Variants in CBLB observed in about 807,000 individuals in gnomAD.
CBLB encodes Cbl proto-oncogene B.
Under a neutral mutation model 104.9 loss-of-function variants are expected in CBLB, and 31 were observed. That is an observed-to-expected ratio of 0.30 (90% CI 0.22 to 0.40). The LOEUF (loss-of-function observed/expected upper bound fraction) is 0.40, where lower values mean the gene tolerates loss of function less well. Ranked by LOEUF, CBLB falls within the 10% of genes least tolerant of loss-of-function variation. The pLI is 1.00. For missense variants in CBLB, 1,062 were observed against 1,214.6 expected (o/e 0.87, Z 1.87); for synonymous variants, 440 against 422.6 (o/e 1.04, Z -0.51).
chr3:105,861,839 T>G (rs1016613754), intron 2 of CBLB, among the ~76,000 whole-genome samples: 1 of 152,140 alleles, frequency 6.6e-6, no homozygotes, highest in Non-Finnish European at 1.5e-5. Context: ...CATTTTAATC[T>G]CACCCCATCA....
At chr3:105,860,735 T>C (rs907500091) in intron 2 of CBLB, among the ~76,000 whole-genome samples, 2 of 152,202 alleles carry the variant, frequency 1.3e-5, no homozygotes, top group Non-Finnish European at 2.9e-5. Flanking sequence ...CCAAGGGCAC[T>C]GAACAGTTTG....
At chr3:105,769,579 T>C (rs1453042705) in intron 4 of CBLB, among the ~76,000 whole-genome samples, 1 of 152,120 alleles carries the variant, frequency 6.6e-6, no homozygotes, top group East Asian at 1.9e-4. Flanking sequence ...GGATAGAGCA[T>C]GGGTGACTGC....
intron 18 of CBLB, among the ~76,000 whole-genome samples, chr3:105,665,980 C>T (rs1310970864): frequency 6.6e-6 from 1 of 150,860 alleles, no homozygotes; most frequent in Non-Finnish European, 1.5e-5. Flanking sequence ...GAGCCAAGAT[C>T]GTGCCACTGC....
chr3:105,862,266 T>A (rs1397082632), intron 2 of CBLB, among the ~76,000 whole-genome samples: 1 of 152,206 alleles, frequency 6.6e-6, no homozygotes, highest in Non-Finnish European at 1.5e-5. Context: ...AATTTTCTGA[T>A]TTTAAATGAA....
intron 6 of CBLB, among the ~76,000 whole-genome samples, chr3:105,741,704 T>C (rs2075608791): frequency 6.6e-6 from 1 of 151,434 alleles, no homozygotes; most frequent in South Asian, 2.1e-4. Flanking sequence ...CAATTTTTTG[T>C]ATTTTTAATA....
chr3:105,868,169 C>T (rs559674264), intron 1 of CBLB: 247 of 1,222,398 alleles, frequency 2.0e-4, no homozygotes, highest in Non-Finnish European at 2.3e-4. Context: ...ACACGAACAC[C>T]TTTCTTTAAA....
intron 3 of CBLB, among the ~76,000 whole-genome samples, chr3:105,847,948 T>C (rs2090488384): frequency 6.6e-6 from 1 of 152,092 alleles, no homozygotes; most frequent in Non-Finnish European, 1.5e-5. Flanking sequence ...ATATAATACT[T>C]AGAGTTTCTC....
intron 3 of CBLB, among the ~76,000 whole-genome samples, chr3:105,814,165 T>C (rs1224626714): frequency 2.0e-5 from 3 of 152,156 alleles, no homozygotes; most frequent in South Asian, 2.1e-4. Flanking sequence ...AAAATCCGAA[T>C]AGAATTTCAG....
chr3:105,815,912 G>A (rs1382112216), intron 3 of CBLB, among the ~76,000 whole-genome samples: 1 of 152,076 alleles, frequency 6.6e-6, no homozygotes, highest in Non-Finnish European at 1.5e-5. Context: ...GGGTGAAGCT[G>A]GAAACCATCA....
At chr3:105,665,913 C>T (rs886556642) in intron 18 of CBLB, among the ~76,000 whole-genome samples, 6 of 151,318 alleles carry the variant, frequency 4.0e-5, no homozygotes, top group Non-Finnish European at 1.5e-5. Flanking sequence ...CCTGTAGTCC[C>T]AGCTACTCAG....
At chr3:105,836,002 C>G (rs995831845) in intron 3 of CBLB, among the ~76,000 whole-genome samples, 24 of 152,170 alleles carry the variant, frequency 1.6e-4, no homozygotes, top group African/African-American at 5.3e-4. Context: ...CACAATACAT[C>G]TACACTGATC....
At chr3:105,868,299 T>A in intron 1 of CBLB, 1 of 1,023,802 alleles carries the variant, frequency 9.8e-7, no homozygotes, top group Non-Finnish European at 1.3e-6. Context: ...TTCACTTCTC[T>A]GGCTCCTCGC....
At position 105,702,433 on chromosome 3, in the gene CBLB, T is replaced by C. The variant is rs115014051; in HGVS notation, c.1620A>G (p.Gln540=). ...PKSSPCMVRK[Q]DKPLPAPPPP... ...GAGGTGGTGCTGGGAGTGGTTTATC[T>C]TGTTTTCTCACCATGCAAGGAGAAG... Residue 540 remains glutamine (Q), a synonymous_variant, in exon 12 of 19, where the codon CAA becomes CAG. Transcript: ENST00000394030. The C allele has an allele frequency of 2.7e-3, 4,323 of 1,605,556 alleles. 6 individuals carry two copies. Among genetic ancestry groups the C allele is most frequent in the Non-Finnish European group, 3.5e-3 (4,099 of 1,177,966 alleles).
chr3:105,772,403 T>C (rs903448912), intron 4 of CBLB, among the ~76,000 whole-genome samples: 7 of 152,160 alleles, frequency 4.6e-5, no homozygotes, highest in Non-Finnish European at 8.8e-5. Context: ...ATCTAAGACC[T>C]GAAACCATGA....
At chr3:105,843,183 T>C (rs2089790115) in intron 3 of CBLB, among the ~76,000 whole-genome samples, 1 of 152,244 alleles carries the variant, frequency 6.6e-6, no homozygotes, top group Non-Finnish European at 1.5e-5. Flanking sequence ...TGCTGACCCA[T>C]GGTTTAAACC....
intron 3 of CBLB, among the ~76,000 whole-genome samples, chr3:105,788,653 T>C (rs1177541940): frequency 6.6e-6 from 1 of 152,164 alleles, no homozygotes; most frequent in African/African-American, 2.4e-5. Flanking sequence ...TAAAAGTACT[T>C]AGCTAATTTT....
chr3:105,799,065 A>G (rs937540643), intron 3 of CBLB, among the ~76,000 whole-genome samples: 2 of 152,156 alleles, frequency 1.3e-5, no homozygotes, highest in Non-Finnish European at 2.9e-5. Context: ...CTAACAAAGT[A>G]TCTAGATGGA....
intron 10 of CBLB, among the ~76,000 whole-genome samples, chr3:105,709,582 G>A (rs1194106526): frequency 2.0e-5 from 3 of 151,718 alleles, no homozygotes; most frequent in Non-Finnish European, 3.0e-5. Flanking sequence ...AAAAATTAGC[G>A]GTAAACATTC....
At chr3:105,785,953 C>T (rs369878191) in intron 3 of CBLB, among the ~76,000 whole-genome samples, 8 of 149,576 alleles carry the variant, frequency 5.3e-5, no homozygotes, top group African/African-American at 2.0e-4. Flanking sequence ...ATGCCTTCTC[C>T]GTTTGAAAGC....
Sources: gnomAD v4.1 joint callset for allele counts (sites outside exome capture counted in the v4.1 genomes callset) on GRCh38, gnomAD v4.1.1 for gene constraint, MANE v1.5 for transcripts, NCBI Gene and HGNC (gene_info 2026-07-23, HGNC 2026-07-21) for gene names.